The following PLCXD2 variants were observed in gnomAD, a reference collection of about 807,000 sequenced individuals.
PLCXD2 encodes PI-PLC X domain-containing protein 2.
PLCXD2 carries 21 observed loss-of-function variants against 28.6 expected under a neutral mutation model. The ratio of observed to expected loss-of-function variants is 0.73; its 90% CI spans 0.52 to 1.06. The LOEUF (loss-of-function observed/expected upper bound fraction) is 1.06. PLCXD2 is among the 50% of genes least tolerant of loss of function. The pLI is 0.00. For missense variants in PLCXD2, 369 were observed against 376.7 expected (o/e 0.98, Z 0.17); for synonymous variants, 140 against 150.1 (o/e 0.93, Z 0.49).
At chr3:111,677,491 T>C (rs1940642156) in intron 1 of PLCXD2, 1 of 152,222 alleles carries the variant, frequency 6.6e-6, no homozygotes, top group South Asian at 2.1e-4. Flanking sequence ...TCATAATAGC[T>C]ATTATGTACT....
intron 2 of PLCXD2, among the ~76,000 whole-genome samples, chr3:111,710,460 T>C (rs1462689797): frequency 6.6e-6 from 1 of 152,218 alleles, no homozygotes; most frequent in Non-Finnish European, 1.5e-5. Context: ...ACTTTGTTAT[T>C]GTCACCATTT....
chr3:111,700,768 C>G (rs1464438345), intron 1 of PLCXD2, among the ~76,000 whole-genome samples: 2 of 151,210 alleles, frequency 1.3e-5, no homozygotes, highest in African/African-American at 2.4e-5. Flanking sequence ...TGAAAACTGG[C>G]AAGTGGATGA....
At chr3:111,719,524 G>T (rs544418444) in intron 3 of PLCXD2, among the ~76,000 whole-genome samples, 64 of 152,246 alleles carry the variant, frequency 4.2e-4, no homozygotes, top group African/African-American at 1.2e-3. Flanking sequence ...TACACAAACT[G>T]CAGTATATAC....
intron 1 of PLCXD2, among the ~76,000 whole-genome samples, chr3:111,695,111 G>A (rs943638354): frequency 2.8e-5 from 4 of 145,048 alleles, no homozygotes; most frequent in Non-Finnish European, 6.0e-5. Context: ...AGCACTTTTA[G>A]TGAGATAATG....
chr3:111,725,620 T>A (rs141122912), intron 3 of PLCXD2: 11 of 398,562 alleles, frequency 2.8e-5, no homozygotes, highest in African/African-American at 2.3e-4. Flanking sequence ...AATATCACAG[T>A]CTTAGACACT....
At chr3:111,722,775 G>A (rs1390773869) in intron 3 of PLCXD2, 1 of 152,164 alleles carries the variant, frequency 6.6e-6, no homozygotes, top group Non-Finnish European at 1.5e-5. Context: ...TCCTAGGTGA[G>A]GTACTAAAAG....
At chr3:111,687,965 G>T (rs993776905) in intron 1 of PLCXD2, among the ~76,000 whole-genome samples, 1 of 152,096 alleles carries the variant, frequency 6.6e-6, no homozygotes, top group Non-Finnish European at 1.5e-5. Context: ...GAGCCACTGT[G>T]CCCAGCCTTT....
At chr3:111,683,661 G>T (rs184606578) in intron 1 of PLCXD2, among the ~76,000 whole-genome samples, 18 of 152,296 alleles carry the variant, frequency 1.2e-4, no homozygotes, top group Admixed American at 2.0e-4. Context: ...CATGGTCCTT[G>T]CCTTCAAAGA....
rs139574839 is a variant in PLCXD2, at chr3:111,699,282, G to A, written c.164-8644G>A. Among the ~76,000 whole-genome samples, 260 of 152,258 alleles carry A rather than the reference G, an allele frequency of 1.7e-3. 1 individual carries two copies. Among genetic ancestry groups the A allele is most frequent in the African/African-American group, 6.0e-3 (251 of 41,544 alleles). On this transcript the variant is annotated intron_variant, in intron 1 of 4. Transcript: ENST00000477665. The stretch of plus-strand genomic sequence containing the variant: ...ATGTAATCTGAAATGCCATTGTACT[G>A]TAATGAAATGTATCATTTCATAGTG...
intron 1 of PLCXD2, among the ~76,000 whole-genome samples, chr3:111,686,248 G>GAC (rs1940793163): frequency 6.6e-6 from 1 of 152,182 alleles, no homozygotes; most frequent in South Asian, 2.1e-4. Context: ...GACCAAGACA[G>GAC]ACTTTTTTAA....
intron 1 of PLCXD2, among the ~76,000 whole-genome samples, chr3:111,682,290 G>C (rs990604539): frequency 4.6e-5 from 7 of 152,214 alleles, no homozygotes; most frequent in African/African-American, 1.7e-4. Context: ...TTGAGCTACA[G>C]AGGTCTGCAT....
chr3:111,700,610 GAA>G (rs5851778), intron 1 of PLCXD2, among the ~76,000 whole-genome samples: 4 of 151,188 alleles, frequency 2.6e-5, no homozygotes, highest in East Asian at 1.9e-4. Context: ...TGGAGAAGAG[GAA>G]AAAAAAAATT....
chr3:111,692,164 C>T (rs1379349822), intron 1 of PLCXD2, among the ~76,000 whole-genome samples: 1 of 152,180 alleles, frequency 6.6e-6, no homozygotes, highest in Non-Finnish European at 1.5e-5. Context: ...GCTTCAGCCG[C>T]CCGAGTAGCT....
Position 111,675,065 on chromosome 3 carries a change from G to T in PLCXD2, c.-181G>T, listed in dbSNP as rs1046587203. The T allele has an allele frequency of 1.9e-5, 12 of 638,052 alleles. No homozygotes were observed. Among genetic ancestry groups the T allele is most frequent in the Non-Finnish European group, 3.0e-5 (11 of 370,436 alleles). 39.5% of individuals were successfully genotyped at this position (638,052 alleles called of 1,614,324 possible). ...TGGAGCGGAGGCTGGGCCGGAGAGA[G>T]TGGGGACTGTGAGTGCTAGTGGGTA... On this transcript the variant is annotated 5_prime_UTR_variant, in exon 1 of 5. Transcript: ENST00000477665.
intron 3 of PLCXD2, chr3:111,726,303 T>C (rs994338626): frequency 6.4e-6 from 1 of 155,692 alleles, no homozygotes; most frequent in African/African-American, 2.4e-5. Context: ...GCTGCTATTA[T>C]ACTTAGTAAC....
chr3:111,715,374 C>T (rs7635185), intron 3 of PLCXD2, among the ~76,000 whole-genome samples: 152,256 of 152,298 alleles, frequency 1, 76,107 homozygotes, highest in Non-Finnish European at 1. Context: ...AAACATTGAG[C>T]ACCTAGGAAG....
At chr3:111,694,318 A>C (rs950242071) in intron 1 of PLCXD2, among the ~76,000 whole-genome samples, 9 of 152,214 alleles carry the variant, frequency 5.9e-5, no homozygotes, top group Admixed American at 3.9e-4. Context: ...TTAATGCCAG[A>C]GATGAATATT....
chr3:111,708,212 T>C lies in PLCXD2; in HGVS notation c.450T>C (p.Leu150=). 3 of 1,614,190 alleles carry C rather than the reference T, an allele frequency of 1.9e-6. No individual in the cohort carries two copies. Among genetic ancestry groups the C allele is most frequent in the Non-Finnish European group, 2.5e-6 (3 of 1,180,028 alleles). ...GGCTGATGGAAATTGACTCGTTTCT[T>C]ACACAGCACCCCCAGGAGATTATCT... The change falls in exon 2 of 5, where the codon CTT becomes CTC. Residue 150 remains leucine, a synonymous_variant. Coordinates refer to ENST00000477665, the MANE Select transcript of PLCXD2 (RefSeq NM_001185106.1).
intron 2 of PLCXD2, among the ~76,000 whole-genome samples, chr3:111,710,732 A>T (rs1307879479): frequency 6.6e-6 from 1 of 152,240 alleles, no homozygotes; most frequent in Admixed American, 6.5e-5. Context: ...GAGAATTAGC[A>T]GAATGGGAGA....
Sources: allele counts gnomAD v4.1 joint callset (sites outside exome capture counted in the v4.1 genomes callset), GRCh38; gene constraint gnomAD v4.1.1; transcripts MANE v1.5; gene names NCBI Gene and HGNC (gene_info 2026-07-23, HGNC 2026-07-21).